The following GOLGA8A variants were observed in gnomAD, a reference collection of about 807,000 sequenced individuals.
GOLGA8A encodes the protein golgin subfamily A member 8A.
In GOLGA8A, 3 loss-of-function variants were observed where a neutral mutation model predicts 22.1. The ratio of observed to expected loss-of-function variants is 0.14; its 90% CI spans 0.06 to 0.35. The LOEUF (loss-of-function observed/expected upper bound fraction) is 0.35, where lower values mean the gene tolerates loss of function less well. Ranked by LOEUF, GOLGA8A falls within the 10% of genes least tolerant of loss-of-function variation. The pLI, the probability that GOLGA8A is intolerant of heterozygous loss-of-function variation, is 1.00. For synonymous variants in GOLGA8A, 7 were observed against 91.7 expected, an observed-to-expected ratio of 0.08 and a Z score of 5.28; for missense variants, 16 against 233.2, an observed-to-expected ratio of 0.07 and a Z score of 6.07.
intron 7 of GOLGA8A, 141 bp downstream of exon 7, chr15:34,399,014 C>T (rs1891970482): frequency 7.3e-6 from 1 of 136,304 alleles, no homozygotes; most frequent in African/African-American, 2.6e-5. Flanking sequence ...TACTGGGTTA[C>T]CTTTTTCATT....
chr15:34,435,776 A>ACC (rs1893477002), intron 1 of GOLGA8A, among the ~76,000 whole-genome samples: 1 of 148,676 alleles, frequency 6.7e-6, no homozygotes, highest in Non-Finnish European at 1.5e-5. Context: ...TACTGCCATC[A>ACC]CCCAGTCCCA....
intron 2 of GOLGA8A, among the ~76,000 whole-genome samples, chr15:34,432,541 T>C (rs1893306406): frequency 6.7e-6 from 1 of 148,970 alleles, no homozygotes; most frequent in Non-Finnish European, 1.5e-5. Context: ...TGTCGGGAAA[T>C]TATTTAAAAT....
chr15:34,432,388 C>T (rs1971524), intron 2 of GOLGA8A, among the ~76,000 whole-genome samples: 13,881 of 148,418 alleles, frequency 0.094, 1,682 homozygotes, highest in South Asian at 0.25. Flanking sequence ...AGGGACAGAA[C>T]ACGGACCTCA....
rs1231375818 is a variant in GOLGA8A, at chr15:34,437,772, A to G, written c.-1586T>C. ...TCCCGCAGAGCTCGCGCCTAGCCGC[A>G]CACCTCGACTGCTGATTAGCCCGAC... On this transcript the variant is annotated 5_prime_UTR_variant, in exon 1 of 25. Transcript: ENST00000359187. Among the ~76,000 whole-genome samples the G allele has an allele frequency of 6.8e-6, 1 of 148,026 alleles. No individual in the cohort carries two copies. The highest frequency in any genetic ancestry group is 1.5e-5 in the Non-Finnish European group (1 of 66,740).
intron 2 of GOLGA8A, chr15:34,418,697 C>T (rs1206801184): frequency 6.8e-6 from 1 of 146,448 alleles, no homozygotes; most frequent in East Asian, 2.2e-4. Context: ...GGTTAAGAAA[C>T]GTCTTCCTTG....
chr15:34,437,206 G>A (rs1893567038), intron 1 of GOLGA8A, among the ~76,000 whole-genome samples, 192 bp downstream of exon 1: 1 of 146,966 alleles, frequency 6.8e-6, no homozygotes, highest in Non-Finnish European at 1.5e-5. Flanking sequence ...AGAGGCGTAA[G>A]GCCGCCGGGC....
intron 2 of GOLGA8A, among the ~76,000 whole-genome samples, chr15:34,434,228 C>A (rs79307273): frequency 0.094 from 14,076 of 149,084 alleles, 1,774 homozygotes; most frequent in South Asian, 0.25. Context: ...CAGGCCGAGA[C>A]ACATGGATGT....
chr15:34,436,284 A>G (rs1174978574), intron 1 of GOLGA8A, among the ~76,000 whole-genome samples: 1 of 149,466 alleles, frequency 6.7e-6, no homozygotes, highest in Non-Finnish European at 1.5e-5. Flanking sequence ...TTTCTGAAAC[A>G]GGAAGGAAAA....
At chr15:34,404,476 A>G (rs1162279550) in intron 5 of GOLGA8A, among the ~76,000 whole-genome samples, 1 of 150,386 alleles carries the variant, frequency 6.6e-6, no homozygotes, top group East Asian at 2.0e-4. Flanking sequence ...CTTGGGCAAG[A>G]GAACATATGA....
intron 2 of GOLGA8A, chr15:34,416,801 A>AGAAT (rs1892594141): frequency 1.5e-5 from 1 of 66,796 alleles, no homozygotes; most frequent in Non-Finnish European, 2.6e-5. Flanking sequence ...ATTGTCTCAA[A>AGAAT]AAATAAATAA....
In GOLGA8A at chr15:34,436,755, T is replaced by G. The variant is rs1474626485; in HGVS notation, c.-1212+643A>C. Among the ~76,000 whole-genome samples, 3 of 149,946 alleles carry G rather than the reference T, an allele frequency of 2.0e-5. 1 individual carries two copies. Among genetic ancestry groups the G allele is most frequent in the Non-Finnish European group, 3.0e-5 (2 of 67,234 alleles). ...CGGCCAGATCTCCCTCCAGCAGCCT[T>G]GCCAGGCAGTGCCTGGCGTGGAGAA... is the stretch of plus-strand genomic sequence containing the variant. On this transcript the variant is annotated intron_variant, in intron 1 of 24. Transcript: ENST00000359187.
chr15:34,428,440 G>A lies in GOLGA8A; in HGVS notation c.-1123+6943C>T, dbSNP rs767474956. On this transcript the variant is annotated intron_variant, in intron 2 of 24. Coordinates refer to ENST00000359187, the MANE Select transcript of GOLGA8A (RefSeq NM_181077.5). The stretch of plus-strand genomic sequence containing the variant: ...GCCTAACAAGCAGCAGGCCTTTCCA[G>A]TTACAGCGCATGGAAGTAACAAAGG... Among the ~76,000 whole-genome samples the A allele has an allele frequency of 8.1e-5, 12 of 148,434 alleles. 1 individual carries two copies. Among genetic ancestry groups the A allele is most frequent in the Non-Finnish European group, 1.6e-4 (11 of 66,992 alleles).
At chr15:34,429,628 C>G (rs1248954284) in intron 2 of GOLGA8A, among the ~76,000 whole-genome samples, 1 of 148,902 alleles carries the variant, frequency 6.7e-6, no homozygotes, top group Non-Finnish European at 1.5e-5. Context: ...CTCCAGCAAC[C>G]CCTTCCATGC....
At chr15:34,430,105 A>G (rs1893163096) in intron 2 of GOLGA8A, among the ~76,000 whole-genome samples, 1 of 148,406 alleles carries the variant, frequency 6.7e-6, no homozygotes. Flanking sequence ...GTGCTGATTA[A>G]GCACAGGCAC....
rs1364924910 is a variant in GOLGA8A, at chr15:34,380,371, A to G, written c.*1040T>C. ...TAGAGCCTGTATGCCTGTTTCAGAG[A>G]CATTTAAACTCTTAAAGGATTTCTT... is the stretch of plus-strand genomic sequence containing the variant. On this transcript the variant is annotated 3_prime_UTR_variant, in exon 25 of 25. Coordinates refer to ENST00000359187, the MANE Select transcript of GOLGA8A (RefSeq NM_181077.5). 1 of 152,234 alleles carries G rather than the reference A, an allele frequency of 6.6e-6. No individual in the cohort carries two copies. The highest frequency in any genetic ancestry group is 1.9e-4 in the East Asian group (1 of 5,206). 9.4% of individuals were successfully genotyped at this position (152,234 alleles called of 1,614,324 possible).
At position 34,379,617 on chromosome 15, in the gene GOLGA8A, A is replaced by C. The variant is rs891740348; in HGVS notation, c.*1794T>G. 1.7e-4 allele frequency: 26 copies of C among 152,602 alleles called. No homozygotes were observed. Among genetic ancestry groups the C allele is most frequent in the South Asian group, 8.3e-4 (4 of 4,816 alleles). 9.5% of individuals were successfully genotyped at this position (152,602 alleles called of 1,614,324 possible). A position where few individuals can be genotyped will look rare whatever the true frequency, so the allele number is the denominator to read the frequency against. ...GTATTGCTGCTCTCCTGTTAATCTC[A>C]CATTTATAAAAGGATCATGAGGCTG... On this transcript the variant is annotated 3_prime_UTR_variant, in exon 25 of 25. Transcript: ENST00000359187.
rs347877 is a variant in GOLGA8A at position 34,381,521 on chromosome 15, C to G, written c.1702G>C (p.Val568Leu). The change falls in exon 25 of 25, where the codon GTC becomes CTC. Residue 568 changes from valine (V) to leucine (L), a missense_variant. Transcript: ENST00000359187. ...TGCATCTCACCAAGGAGCTGCACGACTGGCTGTGCAGTAGGGTTGTCCTGG... is the reference window on the plus strand; with the variant it reads ...TGCATCTCACCAAGGAGCTGCACGAGTGGCTGTGCAGTAGGGTTGTCCTGG... ...SSQDNPTAQP[V>L]VQLLGEMQDH... The G allele has an allele frequency of 1.4e-5, 23 of 1,609,892 alleles. No individual in the cohort carries two copies. The highest frequency in any genetic ancestry group is 1.8e-4 in the Middle Eastern group (1 of 5,438).
At position 34,416,479 on chromosome 15, in the gene GOLGA8A, C is replaced by G. The variant is rs982442096; in HGVS notation, c.-1122-8744G>C. 10 of 137,506 alleles carry G rather than the reference C, an allele frequency of 7.3e-5. 1 individual carries two copies. Among genetic ancestry groups the G allele is most frequent in the Non-Finnish European group, 1.6e-4 (10 of 64,388 alleles). The allele number at this position is 137,506 out of a possible 1,614,324, so 8.5% of individuals were successfully genotyped here. The stretch of plus-strand genomic sequence containing the variant: ...CTTTTTTAAAATGCCCCCTTTTGTT[C>G]ATTCATATTTGAGAGAAGGACTAAA... On this transcript the variant is annotated intron_variant, in intron 2 of 24. Coordinates refer to ENST00000359187, the MANE Select transcript of GOLGA8A (RefSeq NM_181077.5).
Position 34,380,785 on chromosome 15 carries a change from G to A in GOLGA8A, c.*626C>T, listed in dbSNP as rs1177466400. The A allele has an allele frequency of 1.1e-5, 2 of 182,740 alleles. No homozygotes were observed. Among genetic ancestry groups the A allele is most frequent in the East Asian group, 1.6e-4 (1 of 6,414 alleles). 11.3% of individuals were successfully genotyped at this position (182,740 alleles called of 1,614,324 possible). ...CCACTTTCCTCTTCTGTGAGATTTA[G>A]AAAGCTCCCCCAAAAGGTTATCACT... On this transcript the variant is annotated 3_prime_UTR_variant, in exon 25 of 25. Transcript: ENST00000359187.
Sources: gnomAD v4.1 joint callset for allele counts (sites outside exome capture counted in the v4.1 genomes callset) on GRCh38, gnomAD v4.1.1 for gene constraint, MANE v1.5 for transcripts, NCBI Gene and HGNC (gene_info 2026-07-23, HGNC 2026-07-21) for gene names.